ALOX5: variants seen among roughly 807,000 people sequenced by gnomAD.
ALOX5 encodes polyunsaturated fatty acid 5-lipoxygenase.
ALOX5 carries 64 observed loss-of-function variants against 87.9 expected under a neutral mutation model. The ratio of observed to expected loss-of-function variants is 0.73; its 90% confidence interval spans 0.60 to 0.90. The LOEUF (loss-of-function observed/expected upper bound fraction) is 0.90. Ranked by LOEUF, ALOX5 falls within the 40% of genes least tolerant of loss-of-function variation. The pLI is 0.00. For synonymous variants in ALOX5, 388 were observed against 355.1 expected, an observed-to-expected ratio of 1.09 and a Z score of -1.04; for missense variants, 822 against 907.5, an observed-to-expected ratio of 0.91 and a Z score of 1.21.
intron 4 of ALOX5, among the ~76,000 whole-genome samples, chr10:45,415,424 A>G (rs1366918670): frequency 1.3e-5 from 2 of 151,976 alleles, no homozygotes; most frequent in Admixed American, 6.6e-5. Flanking sequence ...ATCACACACC[A>G]GGGCCTGTCA....
intron 8 of ALOX5, among the ~76,000 whole-genome samples, 189 bp downstream of exon 8, chr10:45,440,822 G>A (rs1253376786): frequency 6.6e-6 from 1 of 152,204 alleles, no homozygotes; most frequent in Non-Finnish European, 1.5e-5. Context: ...TGTTCCCCAG[G>A]ACACGCGGCT....
chr10:45,430,376 C>T (rs1241907226), intron 7 of ALOX5, among the ~76,000 whole-genome samples: 2 of 148,368 alleles, frequency 1.3e-5, no homozygotes, highest in East Asian at 3.9e-4. Context: ...TTGAAAGGTC[C>T]AAAAAATAAT....
At chr10:45,380,016 C>T (rs1839772649) in intron 1 of ALOX5, among the ~76,000 whole-genome samples, 1 of 152,182 alleles carries the variant, frequency 6.6e-6, no homozygotes, top group African/African-American at 2.4e-5. Flanking sequence ...AGGCCCGACG[C>T]GTATCCAGTC....
At chr10:45,441,567 C>T (rs1842236565) in intron 9 of ALOX5, 137 bp downstream of exon 9, 5 of 819,216 alleles carry the variant, frequency 6.1e-6, no homozygotes, top group Non-Finnish European at 7.8e-6. Flanking sequence ...CTGGCTCCAG[C>T]ATCCTCCTGA....
At chr10:45,380,532 C>T (rs3824613) in intron 1 of ALOX5, among the ~76,000 whole-genome samples, 25,109 of 152,214 alleles carry the variant, frequency 0.16, 2,140 homozygotes, top group South Asian at 0.19. Context: ...AATGGGGATG[C>T]CTGCGCTCGC....
rs1842292495 is a variant in ALOX5 at position 45,443,102 on chromosome 10, A to T, written c.1337A>T (p.Tyr446Phe). 1 of 1,613,754 alleles carries T rather than the reference A, an allele frequency of 6.2e-7. No individual in the cohort carries two copies. Among genetic ancestry groups the T allele is most frequent in the Non-Finnish European group, 8.5e-7 (1 of 1,179,992 alleles). ...MVQRAMKDLT[Y>F]ASLCFPEAIK... ...CAGAGGGCCATGAAGGACCTGACCT[A>T]TGCCTCCCTGTGCTTTCCCGAGGCC... Residue 446 changes from tyrosine (Y) to phenylalanine (F), a missense_variant, in exon 10 of 14, where the codon TAT (tyrosine) becomes TTT (phenylalanine). Coordinates refer to ENST00000374391, the MANE Select transcript of ALOX5 (RefSeq NM_000698.5).
At position 45,395,476 on chromosome 10, in the gene ALOX5, G is replaced by C. The variant is rs190849503; in HGVS notation, c.350-379G>C. On this transcript the variant is annotated intron_variant, in intron 2 of 13. Transcript: ENST00000374391. ...TGTCATGGGGTGGGGGTAAGGGGGA[G>C]GGATAGCATTAGGAGATATAACTAA... 1.2e-4 allele frequency among the ~76,000 whole-genome samples: 19 copies of C among 152,230 alleles called. No homozygotes were observed. In the East Asian group the frequency reaches 3.7e-3, roughly 29 times the overall value.
intron 7 of ALOX5, among the ~76,000 whole-genome samples, chr10:45,432,935 CAGGT>C (rs1841954644): frequency 6.6e-6 from 1 of 152,192 alleles, no homozygotes; most frequent in African/African-American, 2.4e-5. Context: ...CTATGATACA[CAGGT>C]AGCTCCTTTA....
chr10:45,441,328 C>A lies in ALOX5; in HGVS notation c.1186-16C>A, dbSNP rs377068460. ...GACTGGGCCCCCTCTGAGGCCTCCT[C>A]CTCTCCCCTCCCCAGCTGCTGGTGG... On this transcript the variant is annotated splice_polypyrimidine_tract_variant and intron_variant, in intron 8 of 13. Coordinates refer to ENST00000374391, the MANE Select transcript of ALOX5 (RefSeq NM_000698.5). The A allele has an allele frequency of 6.8e-6, 11 of 1,612,302 alleles. No individual in the cohort carries two copies. Among genetic ancestry groups the A allele is most frequent in the African/African-American group, 5.3e-5 (4 of 74,894 alleles).
rs573828763 is a variant in ALOX5 at position 45,402,709 on chromosome 10, ACT to A, written c.431+6776_431+6777del. Among the ~76,000 whole-genome samples the A allele has an allele frequency of 2.0e-4, 31 of 152,300 alleles. No individual in the cohort carries two copies. The East Asian group carries it at 6.0e-3, about 29-fold the overall frequency. On this transcript the variant is annotated intron_variant, in intron 3 of 13. Transcript: ENST00000374391. ...AGTTTGCCTCCCTCAAGATAAGGAC[ACT>A]CTGTTCATTGAAAGACACCAGGAGA...
chr10:45,409,527 C>G (rs550551336), intron 3 of ALOX5, among the ~76,000 whole-genome samples: 1 of 150,556 alleles, frequency 6.6e-6, no homozygotes, highest in African/African-American at 2.5e-5. Context: ...CTCTCTCTCT[C>G]TCTCTCTGTC....
intron 2 of ALOX5, among the ~76,000 whole-genome samples, chr10:45,388,784 C>T (rs1203578714): frequency 1.3e-5 from 2 of 152,214 alleles, no homozygotes; most frequent in East Asian, 3.9e-4. Flanking sequence ...AATCAGAGTG[C>T]CTCTCCCCTT....
chr10:45,375,847 C>T (rs1295123434), intron 1 of ALOX5, among the ~76,000 whole-genome samples: 1 of 152,180 alleles, frequency 6.6e-6, no homozygotes, highest in Non-Finnish European at 1.5e-5. Context: ...GGGAACTGAC[C>T]CTGAGGACTG....
At chr10:45,440,171 A>G (rs1842182667) in intron 7 of ALOX5, among the ~76,000 whole-genome samples, 1 of 152,168 alleles carries the variant, frequency 6.6e-6, no homozygotes, top group Non-Finnish European at 1.5e-5. Context: ...CCGAGCGATC[A>G]CTGTCCCCAC....
chr10:45,439,544 G>A (rs1192902218), intron 7 of ALOX5, among the ~76,000 whole-genome samples: 1 of 152,194 alleles, frequency 6.6e-6, no homozygotes, highest in Non-Finnish European at 1.5e-5. Flanking sequence ...TCACTGTCGG[G>A]TGCTGAGGCT....
intron 8 of ALOX5, among the ~76,000 whole-genome samples, 194 bp from the exon 9 acceptor site, chr10:45,441,147 TATC>T (rs2132854577): frequency 6.6e-6 from 1 of 152,288 alleles, no homozygotes; most frequent in Non-Finnish European, 1.5e-5. Context: ...TCTGAATCAT[TATC>T]ATGCTTAGTA....
chr10:45,381,760 C>G (rs991537586), intron 1 of ALOX5, among the ~76,000 whole-genome samples: 5 of 152,256 alleles, frequency 3.3e-5, no homozygotes, highest in Admixed American at 6.5e-5. Flanking sequence ...GATTCTCTCT[C>G]CTCAAGGGCA....
Position 45,444,237 on chromosome 10 carries a change from G to T in ALOX5, c.1796G>T (p.Cys599Phe), listed in dbSNP as rs761786219. The change falls in exon 13 of 14, where the codon TGC becomes TTC. Residue 599 changes from cysteine (C) to phenylalanine (F), a missense_variant. Coordinates refer to ENST00000374391, the MANE Select transcript of ALOX5 (RefSeq NM_000698.5). ...ACGCTGCCCGACCGCGGCCGCTCCT[G>T]CTGGCATCTGGGTGCAGTGTGGGCG... is the stretch of plus-strand genomic sequence containing the variant. Reference protein sequence around the residue: ...VDTLPDRGRSCWHLGAVWALS... With the variant: ...VDTLPDRGRSFWHLGAVWALS... 24 of 1,555,126 alleles carry T rather than the reference G, an allele frequency of 1.5e-5. No homozygotes were observed. Among genetic ancestry groups the T allele is most frequent in the East Asian group, 2.4e-5 (1 of 41,808 alleles).
intron 2 of ALOX5, among the ~76,000 whole-genome samples, chr10:45,395,060 G>A (rs1840447432): frequency 6.6e-6 from 1 of 152,160 alleles, no homozygotes; most frequent in Non-Finnish European, 1.5e-5. Flanking sequence ...ATTCCTCAGG[G>A]ATCTAGAACT....
Sources: allele counts gnomAD v4.1 joint callset (sites outside exome capture counted in the v4.1 genomes callset), GRCh38; gene constraint gnomAD v4.1.1; transcripts MANE v1.5; gene names NCBI Gene and HGNC (gene_info 2026-07-23, HGNC 2026-07-21).